Variants in LTK observed in about 807,000 individuals in gnomAD.
LTK encodes leukocyte receptor tyrosine kinase, also known as leukocyte tyrosine kinase receptor.
In LTK, 117 loss-of-function variants were observed where a neutral mutation model predicts 101.5. The observed-to-expected ratio is 1.15, with a 90% CI of 0.99 to 1.34. The LOEUF is 1.34. Ranked by LOEUF, LTK falls within the 40% of genes most tolerant of loss-of-function variation. LTK has a pLI of 0.00. For synonymous variants in LTK, 563 were observed against 494.2 expected (o/e 1.14, Z -1.85); for missense variants, 1,252 against 1,164.7 (o/e 1.07, Z -1.09).
chr15:41,505,664 C>A, intron 13 of LTK, 49 bp downstream of exon 13: 1 of 1,609,736 alleles, frequency 6.2e-7, no homozygotes, highest in Non-Finnish European at 8.5e-7. Context: ...AAACTGTTCC[C>A]GGGCATTCCC....
At chr15:41,513,288 C>A (rs1195099217) in intron 1 of LTK, among the ~76,000 whole-genome samples, 168 bp from the exon 2 acceptor site, 1 of 151,898 alleles carries the variant, frequency 6.6e-6, no homozygotes, top group East Asian at 2.0e-4. Context: ...TCGCAGAAGC[C>A]CCGCGGGTGC....
At chr15:41,508,568 T>TAAATA (rs2140715909) in intron 8 of LTK, among the ~76,000 whole-genome samples, 1 of 26,616 alleles carries the variant, frequency 3.8e-5, no homozygotes, top group African/African-American at 6.3e-5. Flanking sequence ...AAAATAAAAA[T>TAAATA]AAATAAATAA....
Position 41,509,124 on chromosome 15 carries a change from C to G in LTK, c.1003G>C (p.Asp335His). Residue 335 changes from aspartate (D) to histidine (H), a missense_variant, in exon 8 of 20, where the codon GAC (aspartate) becomes CAC (histidine). By Grantham distance (81) the Asp-to-His change is moderately conservative. Coordinates refer to ENST00000263800, the MANE Select transcript of LTK (RefSeq NM_002344.6). ...GGGGGGYRGG[D>H]ASETDNLWAD... is the part of the protein sequence containing the mutation. ...CAGAGGTTGTCAGTCTCTGAAGCGT[C>G]GCCCCCTGGAAGTGGAGAGTGATGG... The G allele has an allele frequency of 6.2e-7, 1 of 1,608,864 alleles. No individual in the cohort carries two copies. Among genetic ancestry groups the G allele is most frequent in the Non-Finnish European group, 8.5e-7 (1 of 1,175,246 alleles).
chr15:41,507,259 C>T lies in LTK; in HGVS notation c.1377G>A (p.Glu459=), dbSNP rs761525774. The T allele has an allele frequency of 1.2e-6, 2 of 1,604,816 alleles. No individual in the cohort carries two copies. The highest frequency in any genetic ancestry group is 1.7e-6 in the Non-Finnish European group (2 of 1,176,330). Residue 459 remains glutamate (E), a synonymous_variant, in exon 11 of 20, where the codon GAG becomes GAA. Transcript: ENST00000263800. ...CAAGCTCAGGGCTCGGCAGCCTCAT[C>T]TCCTGCAGGCCCTGCCACTTCTTCT... ...VKQKKWQGLQ[E]MRLPSPELEL...
intron 8 of LTK, among the ~76,000 whole-genome samples, chr15:41,508,620 C>G (rs1294995312): frequency 6.6e-6 from 1 of 151,814 alleles, no homozygotes; most frequent in Non-Finnish European, 1.5e-5. Context: ...CCTTTTCCAG[C>G]CACATGGTTA....
At chr15:41,509,802 T>G (rs1488664364) in intron 7 of LTK, among the ~76,000 whole-genome samples, 1 of 151,552 alleles carries the variant, frequency 6.6e-6, no homozygotes, top group Non-Finnish European at 1.5e-5. Context: ...GAGGTTGCAG[T>G]GAGCTGAGAT....
At position 41,509,027 on chromosome 15, in the gene LTK, AT is replaced by A. The variant is rs1234145738; in HGVS notation, c.1096+3del. The A allele has an allele frequency of 6.3e-7, 1 of 1,597,860 alleles. No individual in the cohort carries two copies. The highest frequency in any genetic ancestry group is 1.7e-5 in the Admixed American group (1 of 58,808). ...AGGCTCAGAGGTGGGGTTGGGGCCA[AT>A]ACCTGCCAGAGGCTGCAGGAAGAGC... On this transcript the variant is annotated splice_donor_region_variant and intron_variant, in intron 8 of 19. Coordinates refer to ENST00000263800, the MANE Select transcript of LTK (RefSeq NM_002344.6).
rs187921522 is a variant in LTK at position 41,511,127 on chromosome 15, G to C, written c.997+37C>G. The C allele has an allele frequency of 7.3e-7, 1 of 1,369,738 alleles. No homozygotes were observed. Among genetic ancestry groups the C allele is most frequent in the Non-Finnish European group, 9.4e-7 (1 of 1,066,168 alleles). The allele number at this position is 1,369,738 out of a possible 1,614,324, so 84.8% of individuals were successfully genotyped here. ...TAGGTTCTAACATCACCTCACCCTC[G>C]GGCCTGCTCAGCTGCCCTCTCCAAC... On this transcript the variant is annotated intron_variant, in intron 7 of 19. Transcript: ENST00000263800. The surrounding 1 kb of genome is among the most constrained non-coding windows in gnomAD (Gnocchi z 5.9).
chr15:41,510,571 C>T (rs1452108564), intron 7 of LTK, among the ~76,000 whole-genome samples: 2 of 151,982 alleles, frequency 1.3e-5, no homozygotes, highest in Non-Finnish European at 2.9e-5. Context: ...AAGCAATTCT[C>T]CTGCCTCAGC....
rs770705285 is a variant in LTK at position 41,507,148 on chromosome 15, C to A, written c.1488G>T (p.Trp496Cys). The change falls in exon 11 of 20, where the codon TGG becomes TGT. Residue 496 changes from tryptophan to cysteine, a missense_variant. Transcript: ENST00000263800. ...CCTCGGTGACACCTGGTGGCAGAGG[C>A]CAGGACTGGGCCGGGCCAAGCCCCA... ...CQVGLGPAQS[W>C]PLPPGVTEVS... 6.2e-7 allele frequency: 1 copy of A among 1,613,622 alleles called. No individual in the cohort carries two copies. The highest frequency in any genetic ancestry group is 2.2e-5 in the East Asian group (1 of 44,884).
At position 41,511,580 on chromosome 15, in the gene LTK, T is replaced by C. The variant is rs750179228; in HGVS notation, c.658-2A>G. The stretch of plus-strand genomic sequence containing the variant: ...CGGTTCCAGCTCGCCAGCGCGCACC[T>C]GTGGGGCCAGCGGCGTGTTCCAGGA... On this transcript the variant is annotated splice_acceptor_variant, in intron 5 of 19. Coordinates refer to ENST00000263800, the MANE Select transcript of LTK (RefSeq NM_002344.6). LOFTEE classifies it high-confidence loss of function. The surrounding 1 kb of genome is among the most constrained non-coding windows in gnomAD (Gnocchi z 5.9). The C allele has an allele frequency of 2.1e-6, 3 of 1,439,972 alleles. No individual in the cohort carries two copies. The highest frequency in any genetic ancestry group is 2.7e-6 in the Non-Finnish European group (3 of 1,108,700). 89.2% of individuals were successfully genotyped at this position (1,439,972 alleles called of 1,614,324 possible).
In LTK at chr15:41,511,154, G is replaced by A; in HGVS notation, c.997+10C>T. The A allele has an allele frequency of 2.9e-6, 4 of 1,401,954 alleles. No homozygotes were observed. The highest frequency in any genetic ancestry group is 1.7e-5 in the South Asian group (1 of 60,518). 86.8% of individuals were successfully genotyped at this position (1,401,954 alleles called of 1,614,324 possible). A position where few individuals can be genotyped will look rare whatever the true frequency, so the allele number is the denominator to read the frequency against. On this transcript the variant is annotated intron_variant, in intron 7 of 19. Coordinates refer to ENST00000263800, the MANE Select transcript of LTK (RefSeq NM_002344.6). The surrounding 1 kb of genome is among the most constrained non-coding windows in gnomAD (Gnocchi z 5.9). ...GCCTGCTCAGCTGCCCTCTCCAACGGTGCACCTACCCCTGTAGCCGCCGCC... is the reference window on the plus strand; with the variant it reads ...GCCTGCTCAGCTGCCCTCTCCAACGATGCACCTACCCCTGTAGCCGCCGCC...
rs767413541 is a variant in LTK, at chr15:41,511,976, G to T, written c.511-13C>A. 2.0e-6 allele frequency: 3 copies of T among 1,466,454 alleles called. No homozygotes were observed. The highest frequency in any genetic ancestry group is 2.7e-6 in the Non-Finnish European group (3 of 1,118,724). The allele number at this position is 1,466,454 out of a possible 1,614,324, so 90.8% of individuals were successfully genotyped here. On this transcript the variant is annotated splice_polypyrimidine_tract_variant and intron_variant, in intron 4 of 19. Coordinates refer to ENST00000263800, the MANE Select transcript of LTK (RefSeq NM_002344.6). The surrounding 1 kb of genome is among the most constrained non-coding windows in gnomAD (Gnocchi z 5.9). ...TCTCCGGGCTACCCTGCGGGCAGCGGGGGAGGGAATCGGCGGGGCCCGGGA... is the reference window on the plus strand; with the variant it reads ...TCTCCGGGCTACCCTGCGGGCAGCGTGGGAGGGAATCGGCGGGGCCCGGGA...
At chr15:41,509,947 C>T (rs936897053) in intron 7 of LTK, among the ~76,000 whole-genome samples, 5 of 152,316 alleles carry the variant, frequency 3.3e-5, no homozygotes, top group East Asian at 1.9e-4. Context: ...CCAATATATA[C>T]ACCACCTCAC....
chr15:41,506,042 G>C, intron 11 of LTK, 37 bp from the exon 12 acceptor site: 2 of 1,437,090 alleles, frequency 1.4e-6, no homozygotes, highest in Non-Finnish European at 2.0e-6. Flanking sequence ...TGGGCAGGCG[G>C]CCTGGAGAAG....
In LTK at chr15:41,508,344, G is replaced by A. The variant is rs1056163111; in HGVS notation, c.1097-123C>T. ...TGCACTTTGGGAGGCCGTGGTGAGC[G>A]GATCACCGGAGGTCAGAAGTTCAAG... On this transcript the variant is annotated intron_variant, in intron 8 of 19. Transcript: ENST00000263800. 3.5e-5 allele frequency: 26 copies of A among 747,350 alleles called. 1 individual carries two copies. Among genetic ancestry groups the A allele is most frequent in the East Asian group, 1.2e-4 (4 of 32,368 alleles). The allele number at this position is 747,350 out of a possible 1,614,324, so 46.3% of individuals were successfully genotyped here.
At position 41,511,221 on chromosome 15, in the gene LTK, C is replaced by T. The variant is rs1384730667; in HGVS notation, c.940G>A (p.Gly314Ser). Residue 314 changes from glycine (G) to serine (S), a missense_variant, in exon 7 of 20, where the codon GGC becomes AGC. Physicochemically the swap from Gly to Ser is moderately conservative, Grantham distance 56 (BLOSUM62 0). Coordinates refer to ENST00000263800, the MANE Select transcript of LTK (RefSeq NM_002344.6). The surrounding 1 kb of genome is among the most constrained non-coding windows in gnomAD (Gnocchi z 5.9). ...CAGGCCCCGCCGCCGCCCCCGAAGC[C>T]GCCGGCCGCGGCCCAGCCAAGGGTC... ...WATLGWAAAG[G>S]FGGGGGACTA... The T allele has an allele frequency of 1.4e-6, 2 of 1,393,596 alleles. No homozygotes were observed. The highest frequency in any genetic ancestry group is 1.5e-5 in the African/African-American group (1 of 65,614). 86.3% of individuals were successfully genotyped at this position (1,393,596 alleles called of 1,614,324 possible).
Position 41,511,820 on chromosome 15 carries a change from G to A in LTK, c.654C>T (p.Phe218=), listed in dbSNP as rs768044657. 16 of 1,491,820 alleles carry A rather than the reference G, an allele frequency of 1.1e-5. No individual in the cohort carries two copies. Among genetic ancestry groups the A allele is most frequent in the African/African-American group, 4.4e-5 (3 of 67,492 alleles). The allele number at this position is 1,491,820 out of a possible 1,614,324, so 92.4% of individuals were successfully genotyped here. ...GGGGGGATYV[F]RVRAGELEPL... ...GAGCGCCGAAGGGAGCACGTACCCG[G>A]AAAACGTAGGTGGCGCCCCCGCCAC... is the stretch of plus-strand genomic sequence containing the variant. The change falls in exon 5 of 20, where the codon TTC becomes TTT. Residue 218 remains phenylalanine, a synonymous_variant. Transcript: ENST00000263800. The surrounding 1 kb of genome is among the most constrained non-coding windows in gnomAD (Gnocchi z 5.9).
Position 41,504,258 on chromosome 15 carries a change from G to A in LTK, c.2347-14C>T, listed in dbSNP as rs190239174. 71 of 1,607,100 alleles carry A rather than the reference G, an allele frequency of 4.4e-5. No individual in the cohort carries two copies. Among genetic ancestry groups the A allele is most frequent in the Admixed American group, 6.7e-5 (4 of 59,782 alleles). Reference sequence around the variant, plus strand: ...CACATCCGGGTCCTGTAATGGAAGAGTCAGGGAGCAGGGGGGCATAGAGTT... The same window carrying A: ...CACATCCGGGTCCTGTAATGGAAGAATCAGGGAGCAGGGGGGCATAGAGTT... On this transcript the variant is annotated splice_polypyrimidine_tract_variant and intron_variant, in intron 19 of 19. Coordinates refer to ENST00000263800, the MANE Select transcript of LTK (RefSeq NM_002344.6).
Sources: allele counts gnomAD v4.1 joint callset (sites outside exome capture counted in the v4.1 genomes callset), GRCh38; gene constraint gnomAD v4.1.1; non-coding constraint Gnocchi (gnomAD v3.1); transcripts MANE v1.5; gene names NCBI Gene and HGNC (gene_info 2026-07-23, HGNC 2026-07-21).